NEGR1: variants seen among roughly 807,000 people sequenced by gnomAD.
The protein encoded by NEGR1 is neuronal growth regulator 1, also known as IgLON family member 4.
NEGR1 carries 10 observed loss-of-function variants against 40.9 expected under a neutral mutation model. That is an observed-to-expected ratio of 0.24 (90% CI 0.15 to 0.42). The LOEUF is 0.42. Ranked by LOEUF, NEGR1 falls within the 10% of genes least tolerant of loss-of-function variation. The pLI, the probability that NEGR1 is intolerant of heterozygous loss-of-function variation, is 1.00. For synonymous variants in NEGR1, 185 were observed against 166.8 expected, an observed-to-expected ratio of 1.11 and a Z score of -0.84; for missense variants, 352 against 438.9, an observed-to-expected ratio of 0.80 and a Z score of 1.77.
chr1:71,621,385 T>C (rs1650603553), intron 4 of NEGR1, among the ~76,000 whole-genome samples: 1 of 151,882 alleles, frequency 6.6e-6, no homozygotes, highest in African/African-American at 2.4e-5. Context: ...CAGGAAAATA[T>C]GCAACTGTGG....
intron 6 of NEGR1, among the ~76,000 whole-genome samples, chr1:71,525,937 A>G (rs1312535648): frequency 6.6e-6 from 1 of 151,578 alleles, no homozygotes; most frequent in Non-Finnish European, 1.5e-5. Context: ...CTTTAGTGGC[A>G]TGTTACTTTG....
chr1:72,134,554 A>T (rs189700023), intron 1 of NEGR1, among the ~76,000 whole-genome samples: 1 of 151,774 alleles, frequency 6.6e-6, no homozygotes, highest in Admixed American at 6.6e-5. Flanking sequence ...TATAACATTG[A>T]CATTATATAT....
chr1:71,736,446 A>T (rs1655043936), intron 3 of NEGR1, among the ~76,000 whole-genome samples: 1 of 152,190 alleles, frequency 6.6e-6, no homozygotes, highest in South Asian at 2.1e-4. Flanking sequence ...ACCATTTAAA[A>T]TGTATTTTTT....
chr1:72,166,337 T>A (rs1022950199), intron 1 of NEGR1, among the ~76,000 whole-genome samples: 1 of 152,016 alleles, frequency 6.6e-6, no homozygotes, highest in Non-Finnish European at 1.5e-5. Flanking sequence ...TTGGTAGACA[T>A]GTAAATTAGC....
intron 4 of NEGR1, among the ~76,000 whole-genome samples, chr1:71,670,124 C>T (rs72942265): frequency 0.073 from 11,139 of 152,102 alleles, 506 homozygotes; most frequent in East Asian, 0.13. Context: ...AGGTTTTCTT[C>T]CAGGGCTCAT....
chr1:71,896,150 G>C (rs1177125209), intron 2 of NEGR1, among the ~76,000 whole-genome samples: 1 of 147,446 alleles, frequency 6.8e-6, no homozygotes, highest in African/African-American at 2.5e-5. Flanking sequence ...TTATTCTCCT[G>C]CCTCAGCCTC....
chr1:71,750,476 T>A lies in NEGR1; in HGVS notation c.535+25696A>T, dbSNP rs528353264. Among the ~76,000 whole-genome samples the A allele has an allele frequency of 1.7e-3, 254 of 152,280 alleles. 1 individual carries two copies. The highest frequency in any genetic ancestry group is 2.4e-3 in the Non-Finnish European group (160 of 68,022). ...GACATATAAAGAAAAGAGGTTTAAT[T>A]GACTCACTGTTCCACATGGCTGGGG... is the stretch of plus-strand genomic sequence containing the variant. On this transcript the variant is annotated intron_variant, in intron 3 of 6. Coordinates refer to ENST00000357731, the MANE Select transcript of NEGR1 (RefSeq NM_173808.3).
intron 1 of NEGR1, among the ~76,000 whole-genome samples, chr1:71,944,752 A>G (rs909704795): frequency 2.0e-4 from 30 of 152,064 alleles, no homozygotes; most frequent in Non-Finnish European, 3.7e-4. Context: ...GCACTGCTGG[A>G]TTTTTCTTAT....
intron 1 of NEGR1, among the ~76,000 whole-genome samples, chr1:72,257,058 C>T (rs1022611934): frequency 6.6e-6 from 1 of 152,102 alleles, no homozygotes; most frequent in African/African-American, 2.4e-5. Flanking sequence ...CGCGGTGGCT[C>T]ACGCCTGTAA....
chr1:71,682,697 C>G (rs932668770), intron 4 of NEGR1, among the ~76,000 whole-genome samples: 1 of 152,156 alleles, frequency 6.6e-6, no homozygotes, highest in Non-Finnish European at 1.5e-5. Context: ...CCAAATCTCA[C>G]ATTGATATTT....
intron 1 of NEGR1, among the ~76,000 whole-genome samples, chr1:72,068,051 A>G (rs949113771): frequency 6.6e-6 from 1 of 152,198 alleles, no homozygotes; most frequent in Admixed American, 6.6e-5. Context: ...TAGCTTCACA[A>G]AATAAAATTA....
At position 72,098,847 on chromosome 1, in the gene NEGR1, G is replaced by A. The variant is rs1464893179; in HGVS notation, c.177-163536C>T. On this transcript the variant is annotated intron_variant, in intron 1 of 6. Coordinates refer to ENST00000357731, the MANE Select transcript of NEGR1 (RefSeq NM_173808.3). ...AAAATTTTCTCAAAAGTTTACATCT[G>A]TGTTAAACTTCAGCTTTTCTGGATG... 3.4e-4 allele frequency among the ~76,000 whole-genome samples: 51 copies of A among 152,022 alleles called. 1 individual carries two copies. Among genetic ancestry groups the A allele is most frequent in the Admixed American group, 3.3e-3 (51 of 15,258 alleles).
At position 71,600,801 on chromosome 1, in the gene NEGR1, G is replaced by C. The variant is rs147215762; in HGVS notation, c.789-7833C>G. 5.9e-3 allele frequency among the ~76,000 whole-genome samples: 905 copies of C among 152,286 alleles called. 6 individuals carry two copies. Among genetic ancestry groups the C allele is most frequent in the Non-Finnish European group, 9.1e-3 (618 of 68,024 alleles). ...AACACCGACAGGCTTCATACATAAA[G>C]TGTAAGATCAACTATTTATTTTAGA... On this transcript the variant is annotated intron_variant, in intron 5 of 6. Transcript: ENST00000357731.
At chr1:71,441,375 T>C (rs1439839132) in intron 6 of NEGR1, among the ~76,000 whole-genome samples, 1 of 152,190 alleles carries the variant, frequency 6.6e-6, no homozygotes, top group Non-Finnish European at 1.5e-5. Flanking sequence ...GGGCAGTATG[T>C]ATTTCCCTGC....
intron 6 of NEGR1, among the ~76,000 whole-genome samples, chr1:71,417,638 A>G (rs568056064): frequency 1.3e-5 from 2 of 152,202 alleles, no homozygotes; most frequent in Non-Finnish European, 2.9e-5. Flanking sequence ...TTTCTTAACA[A>G]TCAAGCATAC....
At chr1:72,279,244 G>A (rs1656164449) in intron 1 of NEGR1, among the ~76,000 whole-genome samples, 1 of 152,066 alleles carries the variant, frequency 6.6e-6, no homozygotes, top group African/African-American at 2.4e-5. Context: ...CTCCACTTAA[G>A]GAAAGTTTTG....
At chr1:71,806,062 A>G (rs1278562782) in intron 2 of NEGR1, among the ~76,000 whole-genome samples, 2 of 152,166 alleles carry the variant, frequency 1.3e-5, no homozygotes, top group Non-Finnish European at 2.9e-5. Context: ...GAATCTGAAT[A>G]TTGCAGTGGG....
At chr1:71,676,188 C>T (rs532364647) in intron 4 of NEGR1, among the ~76,000 whole-genome samples, 13 of 152,006 alleles carry the variant, frequency 8.6e-5, no homozygotes, top group African/African-American at 2.4e-4. Context: ...ACTAAGGACA[C>T]TTTTTGTGTG....
intron 6 of NEGR1, among the ~76,000 whole-genome samples, chr1:71,437,148 G>A (rs1032196205): frequency 6.6e-6 from 1 of 151,872 alleles, no homozygotes; most frequent in East Asian, 1.9e-4. Context: ...ATATTTACTT[G>A]AATATAATTA....
Sources: allele counts gnomAD v4.1 joint callset (sites outside exome capture counted in the v4.1 genomes callset), GRCh38; gene constraint gnomAD v4.1.1; transcripts MANE v1.5; gene names NCBI Gene and HGNC (gene_info 2026-07-23, HGNC 2026-07-21).